The following LHPP variants were observed in gnomAD, a reference collection of about 807,000 sequenced individuals.
LHPP encodes hLHPP.
Under a neutral mutation model 30.3 loss-of-function variants are expected in LHPP, and 24 were observed. That is an observed-to-expected ratio of 0.79 (90% CI 0.57 to 1.11). LHPP has a LOEUF of 1.11. LHPP is among the 50% of genes most tolerant of loss of function. The probability of loss-of-function intolerance (pLI) is 0.00; values close to 1 mark genes in which losing one functional copy is unlikely to be tolerated. For synonymous variants in LHPP, 150 were observed against 157.1 expected, an observed-to-expected ratio of 0.95 and a Z score of 0.34; for missense variants, 356 against 367.2, an observed-to-expected ratio of 0.97 and a Z score of 0.25.
intron 2 of LHPP, among the ~76,000 whole-genome samples, chr10:124,487,602 C>T (rs540796595): frequency 2.0e-4 from 31 of 152,132 alleles, no homozygotes; most frequent in African/African-American, 7.0e-4. Flanking sequence ...GCCACCGTGC[C>T]GGGCTGATTG....
Position 124,574,215 on chromosome 10 carries a change from T to C in LHPP, c.717-39049T>C, listed in dbSNP as rs79043257. On this transcript the variant is annotated intron_variant, in intron 6 of 6. Coordinates refer to ENST00000368842, the MANE Select transcript of LHPP (RefSeq NM_022126.4). ...CTGCCGCGCAGAACAGTAAGTCGTT[T>C]TTGACATATGGATCTCAGCGCGCAG... Among the ~76,000 whole-genome samples, 545 of 152,304 alleles carry C rather than the reference T, an allele frequency of 3.6e-3. 3 individuals carry two copies. Among genetic ancestry groups the C allele is most frequent in the African/African-American group, 0.012 (517 of 41,570 alleles).
At chr10:124,534,034 G>A (rs1954960085) in intron 6 of LHPP, among the ~76,000 whole-genome samples, 1 of 152,194 alleles carries the variant, frequency 6.6e-6, no homozygotes, top group Admixed American at 6.5e-5. Flanking sequence ...TTGGGGATTG[G>A]GGCGGGGGAT....
At chr10:124,559,036 C>A (rs1948349442) in intron 6 of LHPP, among the ~76,000 whole-genome samples, 1 of 152,226 alleles carries the variant, frequency 6.6e-6, no homozygotes, top group Non-Finnish European at 1.5e-5. Context: ...TGGCCCTATT[C>A]TCCCATCTGG....
chr10:124,510,512 A>G lies in LHPP; in HGVS notation c.625-6668A>G, dbSNP rs1051405191. 2.0e-5 allele frequency among the ~76,000 whole-genome samples: 3 copies of G among 149,542 alleles called. No individual in the cohort carries two copies. Among genetic ancestry groups the G allele is most frequent in the Admixed American group, 1.3e-4 (2 of 15,026 alleles). On this transcript the variant is annotated intron_variant, in intron 5 of 6. Coordinates refer to ENST00000368842, the MANE Select transcript of LHPP (RefSeq NM_022126.4). This position sits in a 1 kb window ranked among gnomAD's most constrained non-coding sequence, Gnocchi z 4.0. ...ACCTCCACGCTGTTCCTGCATGAGA[A>G]CTCTTCCTCCAAGAGACCACGTTCC...
intron 6 of LHPP, among the ~76,000 whole-genome samples, chr10:124,526,889 G>C (rs931336721): frequency 9.2e-5 from 14 of 152,252 alleles, no homozygotes; most frequent in Non-Finnish European, 8.8e-5. Context: ...GGGAAGCCGT[G>C]GCCAGGCCGC....
At position 124,523,756 on chromosome 10, in the gene LHPP, G is replaced by A. The variant is rs993604623; in HGVS notation, c.716+6485G>A. Among the ~76,000 whole-genome samples the A allele has an allele frequency of 6.6e-6, 1 of 152,178 alleles. No homozygotes were observed. Among genetic ancestry groups the A allele is most frequent in the South Asian group, 2.1e-4 (1 of 4,830 alleles). On this transcript the variant is annotated intron_variant, in intron 6 of 6. Transcript: ENST00000368842. The surrounding 1 kb of genome is among the most constrained non-coding windows in gnomAD (Gnocchi z 4.2). The stretch of plus-strand genomic sequence containing the variant: ...AGCCAGGGCAATCCGAGCCAGCCCC[G>A]GTGGAGAGAAAGGGCCAGTGCTGGG...
At chr10:124,513,291 C>T (rs1379911648) in intron 5 of LHPP, among the ~76,000 whole-genome samples, 1 of 151,940 alleles carries the variant, frequency 6.6e-6, no homozygotes, top group Non-Finnish European at 1.5e-5. Flanking sequence ...AACTCCTGGG[C>T]TCAAGTGATC....
chr10:124,550,947 G>A (rs1022158529), intron 6 of LHPP, among the ~76,000 whole-genome samples: 7 of 152,168 alleles, frequency 4.6e-5, no homozygotes, highest in Non-Finnish European at 7.4e-5. Flanking sequence ...CTAGAGCTCC[G>A]CTTGTGCCAG....
At chr10:124,532,190 T>C (rs922829293) in intron 6 of LHPP, among the ~76,000 whole-genome samples, 1 of 152,240 alleles carries the variant, frequency 6.6e-6, no homozygotes, top group African/African-American at 2.4e-5. Flanking sequence ...GGTTCATTTG[T>C]TCAGTCTTTG....
intron 1 of LHPP, among the ~76,000 whole-genome samples, chr10:124,476,556 C>T (rs978090974): frequency 6.6e-6 from 1 of 152,210 alleles, no homozygotes; most frequent in Non-Finnish European, 1.5e-5. Context: ...CCAGACCCCA[C>T]GCCCAGGGGA....
intron 6 of LHPP, among the ~76,000 whole-genome samples, chr10:124,558,727 T>G (rs1016206239): frequency 8.5e-5 from 13 of 152,216 alleles, no homozygotes; most frequent in Non-Finnish European, 1.5e-4. Context: ...GGAGTCCCCA[T>G]TTCCATGTTT....
intron 1 of LHPP, among the ~76,000 whole-genome samples, chr10:124,474,663 A>T (rs1308208153): frequency 2.6e-5 from 4 of 152,016 alleles, no homozygotes; most frequent in African/African-American, 9.7e-5. Context: ...CCCATCTCCA[A>T]ACCACAGGTC....
chr10:124,569,198 G>A (rs1327962679), intron 6 of LHPP, among the ~76,000 whole-genome samples: 1 of 152,234 alleles, frequency 6.6e-6, no homozygotes, highest in Non-Finnish European at 1.5e-5. Flanking sequence ...AGCTGCTTGT[G>A]GCTTGAGGTG....
At chr10:124,606,210 G>A (rs569406534) in intron 6 of LHPP, among the ~76,000 whole-genome samples, 203 of 152,102 alleles carry the variant, frequency 1.3e-3, no homozygotes, top group Admixed American at 2.3e-3. Context: ...GCCAGGCCCC[G>A]AGGGCCAGGC....
chr10:124,494,132 T>A (rs975275059), intron 3 of LHPP, among the ~76,000 whole-genome samples: 3 of 152,246 alleles, frequency 2.0e-5, no homozygotes, highest in East Asian at 1.9e-4. Flanking sequence ...TCAGTTTTTT[T>A]AAAATCCCAT....
chr10:124,577,812 G>A (rs79822979), intron 6 of LHPP, among the ~76,000 whole-genome samples: 3,783 of 133,492 alleles, frequency 0.028, 148 homozygotes, highest in African/African-American at 0.09. Flanking sequence ...GCAGCATTGG[G>A]ACTTGAATCT....
At chr10:124,585,381 G>A (rs1158552805) in intron 6 of LHPP, among the ~76,000 whole-genome samples, 5 of 152,156 alleles carry the variant, frequency 3.3e-5, no homozygotes, top group Admixed American at 3.3e-4. Context: ...TTGGGAGGCC[G>A]AGGCGGGCAG....
chr10:124,607,669 G>A (rs1949113159), intron 6 of LHPP, among the ~76,000 whole-genome samples: 1 of 152,180 alleles, frequency 6.6e-6, no homozygotes, highest in African/African-American at 2.4e-5. Context: ...TGTCCAAGGA[G>A]GGGGTCCTGG....
intron 3 of LHPP, among the ~76,000 whole-genome samples, chr10:124,493,098 G>T (rs1204715493): frequency 7.3e-6 from 1 of 136,466 alleles, no homozygotes; most frequent in Non-Finnish European, 1.6e-5. Flanking sequence ...ATAATAGTCA[G>T]AACAGGTATA....
Sources: gnomAD v4.1 joint callset for allele counts (sites outside exome capture counted in the v4.1 genomes callset) on GRCh38, gnomAD v4.1.1 for gene constraint, Gnocchi (gnomAD v3.1) non-coding constraint, MANE v1.5 for transcripts, NCBI Gene and HGNC (gene_info 2026-07-23, HGNC 2026-07-21) for gene names.